Variants in KCNAB1 observed in about 807,000 individuals in gnomAD.
KCNAB1 encodes the protein potassium voltage-gated channel subfamily A regulatory beta subunit 1, also known as voltage-gated potassium channel subunit beta-1.
KCNAB1 carries 35 observed loss-of-function variants against 64.6 expected under a neutral mutation model. The ratio of observed to expected loss-of-function variants is 0.54; its 90% CI spans 0.41 to 0.72. The LOEUF (loss-of-function observed/expected upper bound fraction) is 0.72, where lower values mean the gene tolerates loss of function less well. Ranked by LOEUF, KCNAB1 falls within the 30% of genes least tolerant of loss-of-function variation. The pLI, the probability that KCNAB1 is intolerant of heterozygous loss-of-function variation, is 0.00. For missense variants in KCNAB1, 401 were observed against 512.9 expected, an observed-to-expected ratio of 0.78 and a Z score of 2.11; for synonymous variants, 177 against 183.8, an observed-to-expected ratio of 0.96 and a Z score of 0.30.
chr3:156,505,673 C>A (rs1292287125), intron 8 of KCNAB1, among the ~76,000 whole-genome samples: 1 of 152,042 alleles, frequency 6.6e-6, no homozygotes, highest in African/African-American at 2.4e-5. Flanking sequence ...TAAAGAAATA[C>A]CTGAGGCTAG....
chr3:156,298,805 T>C (rs1176424107), intron 1 of KCNAB1, among the ~76,000 whole-genome samples: 1 of 152,236 alleles, frequency 6.6e-6, no homozygotes, highest in African/African-American at 2.4e-5. Flanking sequence ...TTAGGCATCA[T>C]AAGAAGATTC....
intron 1 of KCNAB1, among the ~76,000 whole-genome samples, chr3:156,299,914 C>T (rs1721042649): frequency 1.3e-5 from 2 of 152,166 alleles, no homozygotes; most frequent in Non-Finnish European, 2.9e-5. Context: ...TTTTGAGAAT[C>T]AGAATCATTC....
At chr3:156,522,797 G>A (rs1163671331) in intron 11 of KCNAB1, among the ~76,000 whole-genome samples, 3 of 151,198 alleles carry the variant, frequency 2.0e-5, no homozygotes, top group East Asian at 3.9e-4. Flanking sequence ...AGCATTCTGC[G>A]GTCTCTGGGA....
At chr3:156,245,990 A>G (rs984673925) in intron 1 of KCNAB1, among the ~76,000 whole-genome samples, 1 of 152,204 alleles carries the variant, frequency 6.6e-6, no homozygotes. Context: ...AAAAAAGACT[A>G]ACAGCATTTA....
intron 8 of KCNAB1, among the ~76,000 whole-genome samples, chr3:156,511,962 C>A (rs1717242826): frequency 6.6e-6 from 1 of 152,236 alleles, no homozygotes; most frequent in Admixed American, 6.5e-5. Context: ...ACTACATCAT[C>A]TGCCTCGAAT....
Position 156,319,082 on chromosome 3 carries a change from G to T in KCNAB1, c.276-102534G>T, listed in dbSNP as rs145660521. Among the ~76,000 whole-genome samples, 376 of 152,234 alleles carry T rather than the reference G, an allele frequency of 2.5e-3. 1 individual carries two copies. The highest frequency in any genetic ancestry group is 8.7e-3 in the African/African-American group (363 of 41,540). ...TTATATTCCTTTATAAGATTTCAAA[G>T]TATAGCCCAAAGCTTTACAATTAAA... On this transcript the variant is annotated intron_variant, in intron 1 of 13. Coordinates refer to ENST00000490337, the MANE Select transcript of KCNAB1 (RefSeq NM_172160.3).
At chr3:156,435,755 C>T (rs1191599253) in intron 2 of KCNAB1, among the ~76,000 whole-genome samples, 1 of 152,096 alleles carries the variant, frequency 6.6e-6, no homozygotes, top group Non-Finnish European at 1.5e-5. Flanking sequence ...ATGACCAGAT[C>T]TTACATATAT....
At chr3:156,253,918 G>T (rs1383400024) in intron 1 of KCNAB1, among the ~76,000 whole-genome samples, 1 of 152,176 alleles carries the variant, frequency 6.6e-6, no homozygotes, top group Non-Finnish European at 1.5e-5. Flanking sequence ...GCGATGTGAT[G>T]GCTTTAAGTG....
chr3:156,290,084 G>GT (rs1560176951), intron 1 of KCNAB1, among the ~76,000 whole-genome samples: 1 of 152,182 alleles, frequency 6.6e-6, no homozygotes, highest in African/African-American at 2.4e-5. Context: ...CAGGGACTTG[G>GT]TAGAAGTGTG....
At chr3:156,504,511 A>G (rs1177100588) in intron 8 of KCNAB1, among the ~76,000 whole-genome samples, 2 of 152,174 alleles carry the variant, frequency 1.3e-5, no homozygotes, top group Admixed American at 6.5e-5. Flanking sequence ...TAGCTGTACT[A>G]ATATACATTC....
chr3:156,305,132 A>G (rs901448590), intron 1 of KCNAB1, among the ~76,000 whole-genome samples: 7 of 152,128 alleles, frequency 4.6e-5, no homozygotes, highest in African/African-American at 1.4e-4. Flanking sequence ...GATTGTTTTC[A>G]TAATTGCAAG....
intron 2 of KCNAB1, among the ~76,000 whole-genome samples, chr3:156,442,707 A>G (rs1289778733): frequency 6.6e-6 from 1 of 152,124 alleles, no homozygotes; most frequent in African/African-American, 2.4e-5. Context: ...GCCTTTCCTA[A>G]TGAAAGACTG....
Position 156,397,881 on chromosome 3 carries a change from C to T in KCNAB1, c.276-23735C>T, listed in dbSNP as rs1295460920. On this transcript the variant is annotated intron_variant, in intron 1 of 13. Coordinates refer to ENST00000490337, the MANE Select transcript of KCNAB1 (RefSeq NM_172160.3). ...TTACATAAATATATTTATTCAGCTCCCTAATTAGAATGTAAGCTCTTTGGA... is the reference window on the plus strand; with the variant it reads ...TTACATAAATATATTTATTCAGCTCTCTAATTAGAATGTAAGCTCTTTGGA... 9.2e-5 allele frequency among the ~76,000 whole-genome samples: 14 copies of T among 152,120 alleles called. No individual in the cohort carries two copies. The East Asian group carries it at 2.7e-3, about 29-fold the overall frequency.
intron 1 of KCNAB1, among the ~76,000 whole-genome samples, chr3:156,243,507 C>T (rs1717288811): frequency 6.6e-6 from 1 of 152,226 alleles, no homozygotes; most frequent in Non-Finnish European, 1.5e-5. Context: ...GGATTATAGG[C>T]ATGAGCCACC....
chr3:156,253,273 T>C (rs1717932081), intron 1 of KCNAB1, among the ~76,000 whole-genome samples: 1 of 152,144 alleles, frequency 6.6e-6, no homozygotes, highest in Non-Finnish European at 1.5e-5. Flanking sequence ...TCTCAGAAAA[T>C]GGAAGTACTT....
chr3:156,534,477 T>A (rs149594484), intron 13 of KCNAB1, among the ~76,000 whole-genome samples: 1 of 152,096 alleles, frequency 6.6e-6, no homozygotes, highest in Non-Finnish European at 1.5e-5. Flanking sequence ...AAAACCCTTC[T>A]GAGGCTTCCC....
chr3:156,461,859 GT>G (rs1280293780), intron 5 of KCNAB1, among the ~76,000 whole-genome samples: 7 of 152,112 alleles, frequency 4.6e-5, no homozygotes, highest in Non-Finnish European at 1.0e-4. Context: ...GTTTATATCA[GT>G]TCACAGTTGC....
chr3:156,256,929 T>C (rs1255763251), intron 1 of KCNAB1, among the ~76,000 whole-genome samples: 1 of 152,188 alleles, frequency 6.6e-6, no homozygotes, highest in Non-Finnish European at 1.5e-5. Flanking sequence ...ACAGTTTCTG[T>C]GGTGGCCCCG....
chr3:156,293,306 G>C (rs1283261306), intron 1 of KCNAB1, among the ~76,000 whole-genome samples: 1 of 152,140 alleles, frequency 6.6e-6, no homozygotes, highest in African/African-American at 2.4e-5. Context: ...AAAAAACTTT[G>C]GTTACTTCAG....
Sources: gnomAD v4.1 joint callset for allele counts (sites outside exome capture counted in the v4.1 genomes callset) on GRCh38, gnomAD v4.1.1 for gene constraint, MANE v1.5 for transcripts, NCBI Gene and HGNC (gene_info 2026-07-23, HGNC 2026-07-21) for gene names.